ANK2: variants seen among roughly 807,000 people sequenced by gnomAD.
ANK2 encodes ankyrin-2.
ANK2 carries 83 observed loss-of-function variants against 360.5 expected under a neutral mutation model. That is an observed-to-expected ratio of 0.23 (90% CI 0.19 to 0.28). The LOEUF (loss-of-function observed/expected upper bound fraction) is 0.28. Among genes scored for constraint, ANK2 ranks in the 10% least tolerant of loss-of-function variants. The pLI, the probability that ANK2 is intolerant of heterozygous loss-of-function variation, is 1.00. For missense variants in ANK2, 4,201 were observed against 4,795.7 expected, an observed-to-expected ratio of 0.88 and a Z score of 3.66; for synonymous variants, 1,740 against 1,759.5, an observed-to-expected ratio of 0.99 and a Z score of 0.28.
chr4:113,369,412 G>T, intron 42 of ANK2, 102 bp from the exon 43 acceptor site: 1 of 1,229,914 alleles, frequency 8.1e-7, no homozygotes, highest in South Asian at 1.2e-5. Flanking sequence ...GACTGTCATA[G>T]ACTATGGAAA....
intron 1 of ANK2, among the ~76,000 whole-genome samples, chr4:113,080,368 G>C (rs1240232109): frequency 6.6e-6 from 1 of 152,180 alleles, no homozygotes; most frequent in African/African-American, 2.4e-5. Context: ...GAAGAGATTT[G>C]TGTGTGACTT....
At chr4:112,886,871 G>T (rs143660712) in intron 1 of ANK2, among the ~76,000 whole-genome samples, 97 of 152,262 alleles carry the variant, frequency 6.4e-4, no homozygotes, top group African/African-American at 2.3e-3. Context: ...TGAAGAAGTG[G>T]AATGAGACCT....
At chr4:113,150,132 T>C (rs960346144) in intron 1 of ANK2, among the ~76,000 whole-genome samples, 10 of 152,202 alleles carry the variant, frequency 6.6e-5, no homozygotes, top group South Asian at 2.1e-4. Context: ...TTAGCTGATA[T>C]GGTGCAGATC....
At chr4:113,097,604 A>G (rs12645686) in intron 1 of ANK2, among the ~76,000 whole-genome samples, 73,415 of 151,730 alleles carry the variant, frequency 0.48, 18,761 homozygotes, top group African/African-American at 0.63. Context: ...GAAGCACTGT[A>G]TAAATGAAAA....
intron 23 of ANK2, among the ~76,000 whole-genome samples, chr4:113,308,445 G>A (rs886582302): frequency 1.2e-4 from 19 of 152,188 alleles, no homozygotes; most frequent in African/African-American, 4.6e-4. Flanking sequence ...GACCAATACA[G>A]ATCTGTGTAT....
rs548368009 is a variant in ANK2, at chr4:112,859,130, G to A, written c.-40+40866G>A. Among the ~76,000 whole-genome samples, 128 of 152,258 alleles carry A rather than the reference G, an allele frequency of 8.4e-4. 1 individual carries two copies. Among genetic ancestry groups the A allele is most frequent in the African/African-American group, 3.0e-3 (123 of 41,546 alleles). On this transcript the variant is annotated intron_variant, in intron 1 of 30. Transcript: ENST00000503271. ...ACAAGAAAAGGTTACATCAAAAGGA[G>A]ATTAAACTGCCCTTAGGGTGTAGAT...
the ANK2 span, chr4:112,738,866 CA>C: frequency 2.4e-5 from 15 of 637,882 alleles, no homozygotes; most frequent in Admixed American, 3.8e-5. Context: ...GCAACAACAA[CA>C]AACAAACAAA....
chr4:112,768,833 A>T, the ANK2 span, among the ~76,000 whole-genome samples: 1 of 152,186 alleles, frequency 6.6e-6, no homozygotes, highest in Non-Finnish European at 1.5e-5. Flanking sequence ...TTATCTCAAA[A>T]GGTTTGGACC....
Position 113,027,927 on chromosome 4 carries a change from T to G in ANK2, c.21+123413T>G, listed in dbSNP as rs139981772. On this transcript the variant is annotated intron_variant, in intron 2 of 30. Coordinates refer to the ANK2 transcript ENST00000503271. ...TGTAACATGGTGACATAATTTTGTT[T>G]ACGTTAAAAATAGCAAAATAAGATG... is the stretch of plus-strand genomic sequence containing the variant. Among the ~76,000 whole-genome samples the G allele has an allele frequency of 2.0e-5, 3 of 152,218 alleles. No homozygotes were observed. In the East Asian group the frequency reaches 5.8e-4, roughly 29 times the overall value.
intron 1 of ANK2, among the ~76,000 whole-genome samples, chr4:112,862,301 T>A (rs2068373244): frequency 6.6e-6 from 1 of 152,234 alleles, no homozygotes; most frequent in South Asian, 2.1e-4. Flanking sequence ...TAAATTTATT[T>A]CATTATTTTT....
chr4:112,883,191 A>T (rs1195316950), intron 1 of ANK2, among the ~76,000 whole-genome samples: 2 of 151,086 alleles, frequency 1.3e-5, no homozygotes, highest in African/African-American at 4.9e-5. Context: ...GGCACCCACC[A>T]CTACACCTGT....
intron 2 of ANK2, among the ~76,000 whole-genome samples, chr4:112,940,966 T>G (rs1440336453): frequency 6.6e-6 from 1 of 152,086 alleles, no homozygotes; most frequent in Non-Finnish European, 1.5e-5. Context: ...ACAAATACTT[T>G]CAAGTTCCTC....
At chr4:112,770,501 T>C in the ANK2 span, among the ~76,000 whole-genome samples, 3 of 151,838 alleles carry the variant, frequency 2.0e-5, no homozygotes, top group Admixed American at 1.3e-4. Flanking sequence ...ATGTCAGGAG[T>C]TCAAGACCAG....
At chr4:113,239,589 G>T (rs2099409090) in intron 7 of ANK2, among the ~76,000 whole-genome samples, 1 of 152,042 alleles carries the variant, frequency 6.6e-6, no homozygotes, top group Non-Finnish European at 1.5e-5. Context: ...ACTTTAATAA[G>T]AAAAGAGTTA....
chr4:112,770,816 C>T, the ANK2 span, among the ~76,000 whole-genome samples: 6 of 152,170 alleles, frequency 3.9e-5, no homozygotes, highest in African/African-American at 1.4e-4. Context: ...GGGTGGGGGC[C>T]AAGAACTTCA....
the ANK2 span, among the ~76,000 whole-genome samples, chr4:112,720,347 TCTCA>T: frequency 6.6e-6 from 1 of 152,210 alleles, no homozygotes; most frequent in Non-Finnish European, 1.5e-5. Flanking sequence ...TCTATAAAAG[TCTCA>T]CTATTTGGTG....
intron 18 of ANK2, among the ~76,000 whole-genome samples, chr4:113,284,191 A>G (rs908273578): frequency 1.2e-4 from 18 of 152,208 alleles, no homozygotes; most frequent in African/African-American, 3.9e-4. Flanking sequence ...TATCAGATGG[A>G]CAATCATTAC....
At chr4:113,000,135 G>T (rs2050104521) in intron 2 of ANK2, among the ~76,000 whole-genome samples, 1 of 152,198 alleles carries the variant, frequency 6.6e-6, no homozygotes, top group African/African-American at 2.4e-5. Context: ...GAAAAGGGGG[G>T]TTGGCTCTGA....
chr4:113,274,335 C>T (rs993834229), intron 14 of ANK2, 117 bp from the exon 15 acceptor site: 37 of 1,157,874 alleles, frequency 3.2e-5, no homozygotes, highest in Non-Finnish European at 4.4e-5. Flanking sequence ...TAATGATTTT[C>T]TTTTGGGTGG....
Sources: allele counts gnomAD v4.1 joint callset (sites outside exome capture counted in the v4.1 genomes callset), GRCh38; gene constraint gnomAD v4.1.1; transcripts MANE v1.5; gene names NCBI Gene and HGNC (gene_info 2026-07-23, HGNC 2026-07-21).